The following NRK variants were observed in gnomAD, a reference collection of about 807,000 sequenced individuals.
NRK encodes the protein Nik related kinase, also known as nik-related protein kinase.
A neutral mutation model predicts 125.2 loss-of-function variants in NRK; 67 were observed. The ratio of observed to expected loss-of-function variants is 0.54; its 90% CI spans 0.44 to 0.66. NRK has a LOEUF of 0.66. NRK is among the 30% of genes least tolerant of loss of function. The pLI is 0.00. For synonymous variants in NRK, 458 were observed against 429.0 expected (o/e 1.07, Z -0.84); for missense variants, 1,224 against 1,192.9 (o/e 1.03, Z -0.38).
At chrX:105,918,218 A>G (rs1211923590) in intron 16 of NRK, among the ~76,000 whole-genome samples, 1 of 111,633 alleles carries the variant, frequency 9.0e-6, no homozygotes, top group African/African-American at 3.2e-5. Flanking sequence ...GTGAATTTCA[A>G]AAAAGTATTT....
intron 23 of NRK, among the ~76,000 whole-genome samples, chrX:105,942,395 G>A (rs971309385): frequency 1.8e-5 from 2 of 111,628 alleles, no homozygotes; most frequent in Non-Finnish European, 3.8e-5. Context: ...GTGAGCACTT[G>A]TAAATATCTG....
intron 25 of NRK, 45 bp downstream of exon 25, chrX:105,946,060 G>A (rs1300049038): frequency 8.8e-7 from 1 of 1,139,717 alleles, no homozygotes; most frequent in Admixed American, 2.4e-5. Context: ...GTCATACAAG[G>A]CTCTTATGAT....
intron 22 of NRK, among the ~76,000 whole-genome samples, chrX:105,939,479 C>T (rs139984269): frequency 9.0e-6 from 1 of 111,340 alleles, no homozygotes; most frequent in Non-Finnish European, 1.9e-5. Context: ...AATATTCAGC[C>T]ACCCCTCTCG....
chrX:105,927,758 C>T (rs902832275), intron 19 of NRK, among the ~76,000 whole-genome samples: 1 of 111,316 alleles, frequency 9.0e-6, no homozygotes, highest in Non-Finnish European at 1.9e-5. Context: ...GTCTTTGATT[C>T]CATTGATGTG....
intron 1 of NRK, among the ~76,000 whole-genome samples, chrX:105,823,299 T>C (rs1781340543): frequency 8.9e-6 from 1 of 112,229 alleles, no homozygotes; most frequent in South Asian, 3.7e-4. Context: ...TCCTCCTTCC[T>C]GTTATCCCGC....
intron 2 of NRK, among the ~76,000 whole-genome samples, chrX:105,862,463 G>T (rs1468659953): frequency 9.1e-6 from 1 of 109,884 alleles, no homozygotes; most frequent in African/African-American, 3.3e-5. Context: ...ACAAATTAAA[G>T]CTAATCATAA....
At chrX:105,846,452 GC>G (rs1354951759) in intron 2 of NRK, among the ~76,000 whole-genome samples, 1 of 111,319 alleles carries the variant, frequency 9.0e-6, no homozygotes, top group Non-Finnish European at 1.9e-5. Flanking sequence ...TGTTAACATA[GC>G]CCAGAGAATA....
chrX:105,942,371 T>G (rs745596054), intron 23 of NRK, among the ~76,000 whole-genome samples: 3 of 112,150 alleles, frequency 2.7e-5, no homozygotes, highest in Admixed American at 9.4e-5. Context: ...GAGTTCTATA[T>G]TCTCTATATC....
chrX:105,901,160 T>C (rs935887359), intron 9 of NRK, among the ~76,000 whole-genome samples: 2 of 110,722 alleles, frequency 1.8e-5, no homozygotes, highest in Non-Finnish European at 3.8e-5. Flanking sequence ...GTTTTTTTTT[T>C]CCTCTGGAGT....
intron 19 of NRK, among the ~76,000 whole-genome samples, chrX:105,929,467 A>G (rs1399576408): frequency 4.5e-5 from 5 of 109,892 alleles, no homozygotes; most frequent in Non-Finnish European, 9.5e-5. Flanking sequence ...TAACTGTTCT[A>G]CTAGTCTATA....
intron 4 of NRK, among the ~76,000 whole-genome samples, chrX:105,886,364 A>G (rs1316757447): frequency 5.6e-5 from 6 of 106,726 alleles, no homozygotes; most frequent in African/African-American, 1.7e-4. Context: ...ATATAAATGC[A>G]TAATGATATG....
chrX:105,894,376 T>TA (rs1161411135), intron 6 of NRK, among the ~76,000 whole-genome samples: 4 of 112,192 alleles, frequency 3.6e-5, no homozygotes, highest in Middle Eastern at 4.2e-3. Context: ...TTTCTTTGAT[T>TA]ACTGCCCCCT....
At chrX:105,921,751 A>T (rs2040451256) in intron 16 of NRK, among the ~76,000 whole-genome samples, 2 of 109,735 alleles carry the variant, frequency 1.8e-5, no homozygotes, top group Non-Finnish European at 3.8e-5. Context: ...CTACAGATGG[A>T]AGAAAACTTG....
intron 2 of NRK, among the ~76,000 whole-genome samples, chrX:105,864,454 A>G (rs183888272): frequency 7.2e-5 from 8 of 111,876 alleles, no homozygotes; most frequent in African/African-American, 2.6e-4. Flanking sequence ...AAATAATCAA[A>G]TGCACCAAGT....
intron 2 of NRK, among the ~76,000 whole-genome samples, chrX:105,832,001 CA>C (rs905078900): frequency 3.6e-4 from 39 of 109,418 alleles, no homozygotes; most frequent in Middle Eastern, 4.7e-3. Flanking sequence ...AAGTTATATG[CA>C]AAAAAAAATT....
chrX:105,936,246 T>G (rs1295566745), intron 21 of NRK, among the ~76,000 whole-genome samples: 5 of 111,850 alleles, frequency 4.5e-5, no homozygotes, highest in African/African-American at 1.6e-4. Flanking sequence ...ACAAACATTG[T>G]AATTATGTGG....
chrX:105,854,206 T>C (rs868806015), intron 2 of NRK, among the ~76,000 whole-genome samples: 4 of 112,109 alleles, frequency 3.6e-5, no homozygotes, highest in African/African-American at 1.3e-4. Flanking sequence ...CCTCTCCTGA[T>C]AGAATTTACG....
Position 105,870,563 on chromosome X carries a change from C to G in NRK, c.124-9636C>G, listed in dbSNP as rs765763557. Among the ~76,000 whole-genome samples the G allele has an allele frequency of 1.2e-4, 13 of 111,868 alleles. No individual in the cohort carries two copies. The South Asian group carries it at 4.8e-3, about 42-fold the overall frequency. On this transcript the variant is annotated intron_variant, in intron 2 of 28. Coordinates refer to ENST00000243300, the MANE Select transcript of NRK (RefSeq NM_198465.4). The stretch of plus-strand genomic sequence containing the variant: ...TGCAAATGTTGTATGTATCCCACAG[C>G]CAAGAACACAGAACTTTATTGTCCA...
intron 16 of NRK, among the ~76,000 whole-genome samples, chrX:105,920,454 G>T (rs2040426412): frequency 9.6e-6 from 1 of 104,616 alleles, no homozygotes; most frequent in Middle Eastern, 4.4e-3. Flanking sequence ...GCTTGATGGG[G>T]ATGGCATTGA....
Sources: allele counts gnomAD v4.1 joint callset (sites outside exome capture counted in the v4.1 genomes callset), GRCh38; gene constraint gnomAD v4.1.1; transcripts MANE v1.5; gene names NCBI Gene and HGNC (gene_info 2026-07-23, HGNC 2026-07-21).